SLC26A3: variants seen among roughly 807,000 people sequenced by gnomAD.
SLC26A3 encodes chloride anion exchanger.
SLC26A3 carries 64 observed loss-of-function variants against 85.6 expected under a neutral mutation model. The ratio of observed to expected loss-of-function variants is 0.75; its 90% CI spans 0.61 to 0.92. SLC26A3 has a LOEUF of 0.92. Among genes scored for constraint, SLC26A3 ranks in the 40% least tolerant of loss-of-function variants. SLC26A3 has a pLI of 0.00. For synonymous variants in SLC26A3, 349 were observed against 336.0 expected, an observed-to-expected ratio of 1.04 and a Z score of -0.42; for missense variants, 922 against 927.3, an observed-to-expected ratio of 0.99 and a Z score of 0.07.
chr7:107,784,961 T>C (rs1357024288), intron 8 of SLC26A3, among the ~76,000 whole-genome samples: 1 of 152,194 alleles, frequency 6.6e-6, no homozygotes, highest in Non-Finnish European at 1.5e-5. Flanking sequence ...GGCATAGTCA[T>C]GAACAGTAGG....
chr7:107,783,788 C>T (rs754996118), intron 8 of SLC26A3, among the ~76,000 whole-genome samples: 14 of 152,174 alleles, frequency 9.2e-5, no homozygotes, highest in Non-Finnish European at 1.6e-4. Flanking sequence ...AGTCTTCTTT[C>T]CATTGATAAT....
intron 8 of SLC26A3, among the ~76,000 whole-genome samples, chr7:107,783,855 A>C (rs992577956): frequency 1.4e-4 from 21 of 152,358 alleles, no homozygotes; most frequent in African/African-American, 4.8e-4. Flanking sequence ...TCTGCCCTGC[A>C]CTTCACAGAA....
chr7:107,791,074 C>A lies in SLC26A3; in HGVS notation c.544G>T (p.Val182Phe), dbSNP rs1387184401. 1.2e-6 allele frequency: 2 copies of A among 1,614,056 alleles called. No individual in the cohort carries two copies. Among genetic ancestry groups the A allele is most frequent in the Non-Finnish European group, 1.7e-6 (2 of 1,180,024 alleles). ...TGGATGATTCCAGAAAGCACTGTGA[C>A]TGATGCCGCCGCCGCCACCCTCACC... ...ERVRVAAAASVTVLSGIIQLA... is the reference protein window; with the variant it reads ...ERVRVAAAASFTVLSGIIQLA... Residue 182 changes from valine to phenylalanine, a missense_variant, in exon 5 of 21, where the codon GTC becomes TTC. Val to Phe is a conservative substitution (Grantham distance 50, BLOSUM62 -1). Coordinates refer to ENST00000340010, the MANE Select transcript of SLC26A3 (RefSeq NM_000111.3).
chr7:107,794,282 G>A, intron 2 of SLC26A3, 97 bp downstream of exon 2: 1 of 1,363,224 alleles, frequency 7.3e-7, no homozygotes. Context: ...GTAGGCTGTG[G>A]ACTAGAGCCA....
chr7:107,794,540 A>G lies in SLC26A3; in HGVS notation c.-31T>C, dbSNP rs781435226. ...TTTTTCTGTTGGCTGTGGCAAGTTG[A>G]AGACCTTTGCAACTATGTGGTGAAC... On this transcript the variant is annotated 5_prime_UTR_variant, in exon 2 of 21. Transcript: ENST00000340010. The G allele has an allele frequency of 6.2e-6, 10 of 1,613,580 alleles. No individual in the cohort carries two copies. The highest frequency in any genetic ancestry group is 3.3e-4 in the Middle Eastern group (2 of 6,056).
intron 6 of SLC26A3, among the ~76,000 whole-genome samples, chr7:107,788,626 G>A (rs2115862976): frequency 6.6e-6 from 1 of 151,600 alleles, no homozygotes; most frequent in Admixed American, 6.6e-5. Flanking sequence ...TTTTCCTTTT[G>A]GAAAGTACTT....
intron 17 of SLC26A3, 37 bp downstream of exon 17, chr7:107,773,883 A>C (rs374057755): frequency 3.3e-5 from 51 of 1,528,852 alleles, no homozygotes; most frequent in Non-Finnish European, 4.2e-5. Context: ...ACCTTTAGTC[A>C]TTGATTGGTT....
intron 18 of SLC26A3, among the ~76,000 whole-genome samples, chr7:107,769,423 C>T (rs1793967888): frequency 6.6e-6 from 1 of 151,986 alleles, no homozygotes; most frequent in African/African-American, 2.4e-5. Flanking sequence ...AAACAATATC[C>T]TTTGCAGGTA....
rs10681903 is a variant in SLC26A3 at position 107,778,360 on chromosome 7, C to CTTTTTTTTTTTTTTTTTTTT, written c.1408-80_1408-79insAAAAAAAAAAAAAAAAAAAA. 14 of 464,912 alleles carry CTTTTTTTTTTTTTTTTTTTT rather than the reference C, an allele frequency of 3.0e-5. 2 individuals carry two copies. Among genetic ancestry groups the CTTTTTTTTTTTTTTTTTTTT allele is most frequent in the African/African-American group, 2.3e-4 (7 of 30,890 alleles). The allele number at this position is 464,912 out of a possible 1,614,324, so 28.8% of individuals were successfully genotyped here. On this transcript the variant is annotated intron_variant, in intron 12 of 20. Transcript: ENST00000340010. ...GTCGAGACGGGGTCTTTTAAAAAGACTTTTTTTTTTTTTTTTTGTAGCGAC... is the reference window on the plus strand; with the variant it reads ...GTCGAGACGGGGTCTTTTAAAAAGACTTTTTTTTTTTTTTTTTTTTTTTTTTTTTTTTTTTTTGTAGCGAC...
Position 107,785,443 on chromosome 7 carries a change from A to G in SLC26A3, c.971+1384T>C, listed in dbSNP as rs145401575. On this transcript the variant is annotated intron_variant, in intron 8 of 20. Coordinates refer to ENST00000340010, the MANE Select transcript of SLC26A3 (RefSeq NM_000111.3). ...AGAGGTACACTGACATTGAAAATACATTCACTAAATAAGACTGTTGTTGAG... is the reference window on the plus strand; with the variant it reads ...AGAGGTACACTGACATTGAAAATACGTTCACTAAATAAGACTGTTGTTGAG... Among the ~76,000 whole-genome samples the G allele has an allele frequency of 2.6e-4, 40 of 152,358 alleles. No homozygotes were observed. The East Asian group carries it at 6.7e-3, about 26-fold the overall frequency.
At position 107,786,906 on chromosome 7, in the gene SLC26A3, C is replaced by A; in HGVS notation, c.892G>T (p.Val298Leu). 6.2e-7 allele frequency: 1 copy of A among 1,613,788 alleles called. No individual in the cohort carries two copies. The highest frequency in any genetic ancestry group is 8.5e-7 in the Non-Finnish European group (1 of 1,179,864). Reference sequence around the variant, plus strand: ...CCGTAGGATACACCTGCTGCAATCACGGTCTGCAAAGTTGCAAATGGCCCA... The same window carrying A: ...CCGTAGGATACACCTGCTGCAATCAAGGTCTGCAAAGTTGCAAATGGCCCA... ...VPIPIEFIMT[V>L]IAAGVSYGCD... The change falls in exon 8 of 21, where the codon GTG (valine) becomes TTG (leucine). Residue 298 changes from valine to leucine, a missense_variant. Transcript: ENST00000340010.
rs1794305905 is a variant in SLC26A3 at position 107,786,908 on chromosome 7, G to A, written c.890C>T (p.Thr297Ile). ...PVPIPIEFIMTVIAAGVSYGC... is the reference protein window; with the variant it reads ...PVPIPIEFIMIVIAAGVSYGC... ...GTAGGATACACCTGCTGCAATCACG[G>A]TCTGCAAAGTTGCAAATGGCCCAAG... Residue 297 changes from threonine (T) to isoleucine (I), a missense_variant and splice_region_variant, in exon 8 of 21, where the codon ACC becomes ATC. Coordinates refer to ENST00000340010, the MANE Select transcript of SLC26A3 (RefSeq NM_000111.3). The A allele has an allele frequency of 6.2e-7, 1 of 1,613,680 alleles. No homozygotes were observed. The highest frequency in any genetic ancestry group is 8.5e-7 in the Non-Finnish European group (1 of 1,179,812).
chr7:107,770,000 C>CTCTCTTTCTT (rs1554377065), intron 18 of SLC26A3, among the ~76,000 whole-genome samples: 1 of 130,994 alleles, frequency 7.6e-6, no homozygotes, highest in Non-Finnish European at 1.7e-5. Flanking sequence ...TTCCTTTTTT[C>CTCTCTTTCTT]TCTTTCTTTC....
chr7:107,796,880 A>C (rs1159682183), intron 1 of SLC26A3, among the ~76,000 whole-genome samples: 2 of 151,564 alleles, frequency 1.3e-5, no homozygotes, highest in Non-Finnish European at 1.5e-5. Flanking sequence ...TGCTTTACTC[A>C]TGCTTTCCTC....
Position 107,772,079 on chromosome 7 carries a change from T to C in SLC26A3, c.2037A>G (p.Val679=). 6.2e-7 allele frequency: 1 copy of C among 1,612,420 alleles called. No homozygotes were observed. Among genetic ancestry groups the C allele is most frequent in the Non-Finnish European group, 8.5e-7 (1 of 1,178,502 alleles). Residue 679 remains valine (V), a synonymous_variant, in exon 18 of 21, where the codon GTA becomes GTG. Transcript: ENST00000340010. ...SILQEFIRIK[V]DVYIVGTDDD... is the part of the protein sequence containing the mutation. Reference sequence around the variant, plus strand: ...CATCAGTTCCAACGATATACACATCTACCTTGATCCTGATAAATTCTTGCA... The same window carrying C: ...CATCAGTTCCAACGATATACACATCCACCTTGATCCTGATAAATTCTTGCA...
chr7:107,799,517 A>G (rs1320842613), intron 1 of SLC26A3, among the ~76,000 whole-genome samples: 2 of 152,156 alleles, frequency 1.3e-5, no homozygotes, highest in East Asian at 1.9e-4. Flanking sequence ...CAGCCTCCCG[A>G]GTAGCTGGGA....
intron 18 of SLC26A3, among the ~76,000 whole-genome samples, chr7:107,771,216 T>C (rs1794024628): frequency 6.6e-6 from 1 of 152,058 alleles, no homozygotes; most frequent in Non-Finnish European, 1.5e-5. Context: ...GATGCAGTGA[T>C]TGTGATAGGA....
At chr7:107,795,504 ATTATT>A (rs1050174484) in intron 1 of SLC26A3, among the ~76,000 whole-genome samples, 2 of 152,152 alleles carry the variant, frequency 1.3e-5, no homozygotes, top group Non-Finnish European at 2.9e-5. Context: ...AGTTACCCTT[ATTATT>A]TTATTATTAT....
At chr7:107,789,276 C>T (rs530069988) in intron 6 of SLC26A3, among the ~76,000 whole-genome samples, 3 of 151,744 alleles carry the variant, frequency 2.0e-5, no homozygotes, top group Non-Finnish European at 2.9e-5. Flanking sequence ...GCCACCATGC[C>T]CGGCTATTTT....
Sources: gnomAD v4.1 joint callset for allele counts (sites outside exome capture counted in the v4.1 genomes callset) on GRCh38, gnomAD v4.1.1 for gene constraint, MANE v1.5 for transcripts, NCBI Gene and HGNC (gene_info 2026-07-23, HGNC 2026-07-21) for gene names.